TTLL5: variants seen among roughly 807,000 people sequenced by gnomAD.
The protein encoded by TTLL5 is tubulin polyglutamylase TTLL5.
A neutral mutation model predicts 168.4 loss-of-function variants in TTLL5; 132 were observed. The observed-to-expected ratio is 0.78, with a 90% CI of 0.68 to 0.91. The LOEUF is 0.91. Ranked by LOEUF, TTLL5 falls within the 40% of genes least tolerant of loss-of-function variation. The pLI is 0.00. For synonymous variants in TTLL5, 546 were observed against 558.6 expected (o/e 0.98, Z 0.32); for missense variants, 1,545 against 1,581.5 (o/e 0.98, Z 0.39).
chr14:75,821,789 C>T (rs532367283), intron 28 of TTLL5, among the ~76,000 whole-genome samples: 1 of 152,282 alleles, frequency 6.6e-6, no homozygotes, highest in South Asian at 2.1e-4. Flanking sequence ...CGATAATGCT[C>T]ATGGTGCATT....
At chr14:75,935,181 C>A (rs553990926) in intron 31 of TTLL5, among the ~76,000 whole-genome samples, 1 of 152,290 alleles carries the variant, frequency 6.6e-6, no homozygotes, top group African/African-American at 2.4e-5. Flanking sequence ...GCTTGATTGT[C>A]TTGTGTTTGT....
intron 18 of TTLL5, among the ~76,000 whole-genome samples, chr14:75,756,866 C>G (rs1890294850): frequency 6.6e-6 from 1 of 152,114 alleles, no homozygotes; most frequent in Non-Finnish European, 1.5e-5. Context: ...AAAAGAAAAA[C>G]AAAAGCCTAT....
intron 29 of TTLL5, among the ~76,000 whole-genome samples, chr14:75,868,052 T>C (rs2030681496): frequency 1.3e-5 from 2 of 152,210 alleles, no homozygotes; most frequent in South Asian, 4.1e-4. Flanking sequence ...CTGTGAGGCC[T>C]GACTGACCTG....
chr14:75,668,448 G>C (rs1227709857), intron 2 of TTLL5, among the ~76,000 whole-genome samples: 5 of 152,142 alleles, frequency 3.3e-5, no homozygotes, highest in Non-Finnish European at 7.4e-5. Context: ...TTTAAATCCT[G>C]GCACATAGTA....
At chr14:75,807,838 C>G (rs1165162181) in intron 27 of TTLL5, among the ~76,000 whole-genome samples, 1 of 152,222 alleles carries the variant, frequency 6.6e-6, no homozygotes, top group African/African-American at 2.4e-5. Flanking sequence ...CAAGCCTATA[C>G]TTGTGCCTGC....
In TTLL5 at chr14:75,775,756, A is replaced by T. The variant is rs1261880430; in HGVS notation, c.2283+126A>T. On this transcript the variant is annotated intron_variant, in intron 22 of 31. Transcript: ENST00000298832. ...CTGTTCTCTGGCATCACCATCCCTT[A>T]TGTATTACTGTTAGGGGAAGCAGGA... 12 of 1,202,426 alleles carry T rather than the reference A, an allele frequency of 1.0e-5. No individual in the cohort carries two copies. The African/African-American group carries it at 1.8e-4, about 18-fold the overall frequency. The allele number at this position is 1,202,426 out of a possible 1,614,324, so 74.5% of individuals were successfully genotyped here.
Position 75,707,085 on chromosome 14 carries a change from A to T in TTLL5, c.653A>T (p.Asp218Val). The change falls in exon 8 of 32, where the codon GAT (aspartate) becomes GTT (valine). Residue 218 changes from aspartate (D) to valine (V), a missense_variant and splice_region_variant. Transcript: ENST00000298832. ...TACATTAACAACCCCCTGCTCATAG[A>T]TGGTGAGTTGTGATTAGGCCCTTGA... ...SRYINNPLLI[D>V]DFKFDVRLYV... is the part of the protein sequence containing the mutation. 1 of 1,612,294 alleles carries T rather than the reference A, an allele frequency of 6.2e-7. No homozygotes were observed. The highest frequency in any genetic ancestry group is 8.5e-7 in the Non-Finnish European group (1 of 1,178,786).
At chr14:75,713,186 A>G (rs1032218350) in intron 9 of TTLL5, among the ~76,000 whole-genome samples, 2 of 152,260 alleles carry the variant, frequency 1.3e-5, no homozygotes, top group African/African-American at 4.8e-5. Context: ...CACATATACT[A>G]TGGTATCCCA....
chr14:75,666,322 T>C (rs1487610263), intron 2 of TTLL5, among the ~76,000 whole-genome samples: 1 of 152,246 alleles, frequency 6.6e-6, no homozygotes, highest in East Asian at 1.9e-4. Context: ...ACTTCAGGAA[T>C]AGAAACTATC....
intron 31 of TTLL5, among the ~76,000 whole-genome samples, chr14:75,911,013 G>C (rs1054644875): frequency 1.3e-4 from 19 of 151,916 alleles, no homozygotes; most frequent in African/African-American, 4.6e-4. Context: ...TGGGTGGTTG[G>C]TTGCTTTTGT....
chr14:75,828,773 T>C (rs1450826610), intron 28 of TTLL5, among the ~76,000 whole-genome samples: 3 of 152,240 alleles, frequency 2.0e-5, no homozygotes, highest in South Asian at 2.1e-4. Context: ...ATTTGAAATA[T>C]AAGCTTCAAA....
chr14:75,776,675 A>G (rs1312337450), intron 22 of TTLL5, 72 bp from the exon 23 acceptor site: 2 of 1,090,718 alleles, frequency 1.8e-6, no homozygotes, highest in Non-Finnish European at 2.7e-6. Flanking sequence ...TTGAAACTAC[A>G]TGATGAAGTG....
intron 18 of TTLL5, among the ~76,000 whole-genome samples, chr14:75,758,569 C>T (rs1406945977): frequency 6.6e-6 from 1 of 152,122 alleles, no homozygotes; most frequent in East Asian, 1.9e-4. Flanking sequence ...TTTTGGCACT[C>T]ATTTTATATT....
At chr14:75,734,082 CAT>C in intron 14 of TTLL5, 32 bp downstream of exon 14, 1 of 1,606,250 alleles carries the variant, frequency 6.2e-7, no homozygotes, top group Non-Finnish European at 8.5e-7. Flanking sequence ...ACTGGACTCA[CAT>C]AAAAATTAAC....
At chr14:75,933,227 C>T (rs185271118) in intron 31 of TTLL5, among the ~76,000 whole-genome samples, 194 of 152,202 alleles carry the variant, frequency 1.3e-3, no homozygotes, top group African/African-American at 4.4e-3. Flanking sequence ...GAGGCCAAGA[C>T]GGGAAGATTA....
rs201386266 is a variant in TTLL5 at position 75,892,500 on chromosome 14, C to G, written c.3740+9598C>G. Among the ~76,000 whole-genome samples, 3 of 152,268 alleles carry G rather than the reference C, an allele frequency of 2.0e-5. No individual in the cohort carries two copies. The East Asian group carries it at 5.8e-4, about 29-fold the overall frequency. ...TTTTCAACCTGGGACAGTTTCCCCCCCAGGAGACATTTGGCAATATCTGGA... is the reference window on the plus strand; with the variant it reads ...TTTTCAACCTGGGACAGTTTCCCCCGCAGGAGACATTTGGCAATATCTGGA... On this transcript the variant is annotated intron_variant, in intron 30 of 31. Transcript: ENST00000298832.
intron 28 of TTLL5, among the ~76,000 whole-genome samples, chr14:75,858,706 C>T (rs1897258097): frequency 6.6e-6 from 1 of 152,166 alleles, no homozygotes; most frequent in African/African-American, 2.4e-5. Context: ...CGTGTATCCA[C>T]CACTGTGAGT....
rs777283024 is a variant in TTLL5 at position 75,863,737 on chromosome 14, G to A, written c.3397G>A (p.Val1133Met). Residue 1133 changes from valine to methionine, a missense_variant, in exon 29 of 32, where the codon GTG becomes ATG. Val to Met is a conservative substitution (Grantham distance 21, BLOSUM62 1). Coordinates refer to ENST00000298832, the MANE Select transcript of TTLL5 (RefSeq NM_015072.5). ...ENNVYSQATG[V>M]VPQHKYHPTA... is the part of the protein sequence containing the mutation. ...CAACGTGTACAGCCAGGCTACAGGG[G>A]TGGTCCCCCAGCACAAGTATCACCC... 6 of 1,613,562 alleles carry A rather than the reference G, an allele frequency of 3.7e-6. No homozygotes were observed. Among genetic ancestry groups the A allele is most frequent in the Non-Finnish European group, 4.2e-6 (5 of 1,179,848 alleles).
At chr14:75,762,412 A>G (rs929111111) in intron 18 of TTLL5, among the ~76,000 whole-genome samples, 2 of 152,182 alleles carry the variant, frequency 1.3e-5, no homozygotes, top group African/African-American at 2.4e-5. Context: ...ATAAATAAAT[A>G]AATAGTTGGA....
Sources: allele counts gnomAD v4.1 joint callset (sites outside exome capture counted in the v4.1 genomes callset), GRCh38; gene constraint gnomAD v4.1.1; transcripts MANE v1.5; gene names NCBI Gene and HGNC (gene_info 2026-07-23, HGNC 2026-07-21).